The following DPYD variants were observed in gnomAD, a reference collection of about 807,000 sequenced individuals.
The protein encoded by DPYD is dihydropyrimidine dehydrogenase [NADP(+)].
DPYD carries 109 observed loss-of-function variants against 116.2 expected under a neutral mutation model. The observed-to-expected ratio is 0.94, with a 90% confidence interval of 0.80 to 1.10. DPYD has a LOEUF of 1.10. Among genes scored for constraint, DPYD ranks in the 50% least tolerant of loss-of-function variants. DPYD has a pLI of 0.00. For missense variants in DPYD, 1,302 were observed against 1,254.5 expected, an observed-to-expected ratio of 1.04 and a Z score of -0.57; for synonymous variants, 440 against 432.0, an observed-to-expected ratio of 1.02 and a Z score of -0.23.
At chr1:97,595,756 C>T (rs1489935997) in intron 8 of DPYD, among the ~76,000 whole-genome samples, 2 of 151,544 alleles carry the variant, frequency 1.3e-5, no homozygotes, top group African/African-American at 4.8e-5. Flanking sequence ...CAGTAAGGAA[C>T]ATATTAGCTT....
chr1:97,549,522 T>C (rs372577252), intron 12 of DPYD, 38 bp downstream of exon 12: 100 of 1,607,314 alleles, frequency 6.2e-5, no homozygotes, highest in Non-Finnish European at 8.3e-5. Context: ...ACTTATCCAT[T>C]GGAAAAGAAT....
chr1:97,509,723 C>T (rs1647630981), intron 13 of DPYD, among the ~76,000 whole-genome samples: 4 of 151,816 alleles, frequency 2.6e-5, no homozygotes, highest in Admixed American at 1.3e-4. Context: ...AAATAAAGTA[C>T]CTTAAAGATC....
At chr1:97,248,071 A>G (rs1046266796) in intron 18 of DPYD, among the ~76,000 whole-genome samples, 1 of 152,240 alleles carries the variant, frequency 6.6e-6, no homozygotes, top group Non-Finnish European at 1.5e-5. Flanking sequence ...ATAAAATTAT[A>G]GACCAATATC....
intron 3 of DPYD, among the ~76,000 whole-genome samples, chr1:97,766,900 AG>A (rs1398499909): frequency 6.6e-6 from 1 of 152,228 alleles, no homozygotes; most frequent in African/African-American, 2.4e-5. Flanking sequence ...ACATTTCTTC[AG>A]AAGTGGCCCA....
chr1:97,614,707 T>C (rs1656157858), intron 8 of DPYD, among the ~76,000 whole-genome samples: 1 of 151,988 alleles, frequency 6.6e-6, no homozygotes, highest in Non-Finnish European at 1.5e-5. Context: ...CAATATGTAT[T>C]TTAAAATCTT....
chr1:97,881,062 A>G (rs1672192759), intron 2 of DPYD, among the ~76,000 whole-genome samples: 1 of 152,010 alleles, frequency 6.6e-6, no homozygotes. Context: ...TAGAAAATAA[A>G]TTACTGGTGC....
At chr1:97,815,122 A>G (rs1043520002) in intron 3 of DPYD, among the ~76,000 whole-genome samples, 2 of 128,706 alleles carry the variant, frequency 1.6e-5, no homozygotes, top group African/African-American at 5.6e-5. Flanking sequence ...GAGAAGAGAA[A>G]AGAAAAGAAG....
intron 8 of DPYD, among the ~76,000 whole-genome samples, chr1:97,647,191 G>A (rs924112708): frequency 6.6e-6 from 1 of 151,964 alleles, no homozygotes; most frequent in Non-Finnish European, 1.5e-5. Flanking sequence ...AAGGAGAAAT[G>A]GGAACTAGCT....
At chr1:97,774,987 A>T (rs1470878493) in intron 3 of DPYD, 1 of 321,814 alleles carries the variant, frequency 3.1e-6, no homozygotes, top group Middle Eastern at 4.1e-4. Context: ...TAGGGACAAA[A>T]AAAAGAAAGA....
intron 18 of DPYD, among the ~76,000 whole-genome samples, chr1:97,241,384 T>C (rs1045580616): frequency 2.6e-5 from 4 of 152,002 alleles, no homozygotes; most frequent in African/African-American, 9.7e-5. Flanking sequence ...TTAACCCTTG[T>C]AACTCTGAAG....
rs538052607 is a variant in DPYD, at chr1:97,447,847, T to A, written c.1905+2212A>T. Among the ~76,000 whole-genome samples the A allele has an allele frequency of 8.0e-5, 12 of 149,760 alleles. No individual in the cohort carries two copies. In the East Asian group the frequency reaches 1.6e-3, roughly 19 times the overall value. ...TGGTAGGAGTTATTTTCCAGGAAAA[T>A]TTTTTTTTTCAGACACATTAGCTTA... On this transcript the variant is annotated intron_variant, in intron 14 of 22. Coordinates refer to ENST00000370192, the MANE Select transcript of DPYD (RefSeq NM_000110.4).
At chr1:97,574,030 G>T (rs966954989) in intron 10 of DPYD, 60 bp from the exon 11 acceptor site, 2 of 1,588,544 alleles carry the variant, frequency 1.3e-6, no homozygotes, top group African/African-American at 1.3e-5. Flanking sequence ...CACAGTATTT[G>T]ATTTCTAATT....
At chr1:97,209,424 T>A (rs1659892617) in intron 19 of DPYD, among the ~76,000 whole-genome samples, 2 of 152,142 alleles carry the variant, frequency 1.3e-5, no homozygotes, top group Admixed American at 1.3e-4. Flanking sequence ...ATTACTCACA[T>A]TTATTTTTTG....
intron 19 of DPYD, among the ~76,000 whole-genome samples, chr1:97,227,837 A>G (rs1661294567): frequency 6.6e-6 from 1 of 152,052 alleles, no homozygotes; most frequent in Non-Finnish European, 1.5e-5. Flanking sequence ...GATTATACAT[A>G]TGAAAATAAA....
intron 2 of DPYD, among the ~76,000 whole-genome samples, chr1:97,848,278 T>C (rs1048856436): frequency 1.3e-5 from 2 of 152,168 alleles, no homozygotes; most frequent in African/African-American, 4.8e-5. Flanking sequence ...TTTGTATTTT[T>C]AGTAGAGACG....
chr1:97,151,346 G>A (rs1570557617), intron 20 of DPYD, among the ~76,000 whole-genome samples: 2 of 152,162 alleles, frequency 1.3e-5, no homozygotes. Context: ...GTCTCTAGAT[G>A]AGAAAATCAA....
intron 19 of DPYD, among the ~76,000 whole-genome samples, chr1:97,222,151 C>G (rs1660819778): frequency 6.6e-6 from 1 of 152,044 alleles, no homozygotes; most frequent in Non-Finnish European, 1.5e-5. Context: ...AGACTTTGGT[C>G]AAGCATATGA....
chr1:97,788,573 A>G (rs971369472), intron 3 of DPYD, among the ~76,000 whole-genome samples: 3 of 152,228 alleles, frequency 2.0e-5, no homozygotes, highest in East Asian at 1.9e-4. Flanking sequence ...GCAAAAAATT[A>G]TAAGTTGTTA....
chr1:97,276,667 A>C (rs1250199146), intron 18 of DPYD, among the ~76,000 whole-genome samples: 1 of 137,752 alleles, frequency 7.3e-6, no homozygotes, highest in African/African-American at 2.9e-5. Context: ...ACACAGCAAG[A>C]CTCTGTCTCA....
Sources: allele counts gnomAD v4.1 joint callset (sites outside exome capture counted in the v4.1 genomes callset), GRCh38; gene constraint gnomAD v4.1.1; transcripts MANE v1.5; gene names NCBI Gene and HGNC (gene_info 2026-07-23, HGNC 2026-07-21).